CBLB: variants seen among roughly 807,000 people sequenced by gnomAD.
The protein encoded by CBLB is E3 ubiquitin-protein ligase CBL-B.
Under a neutral mutation model 104.9 loss-of-function variants are expected in CBLB, and 31 were observed. The ratio of observed to expected loss-of-function variants is 0.30; its 90% confidence interval spans 0.22 to 0.40. The LOEUF (loss-of-function observed/expected upper bound fraction) is 0.40. Ranked by LOEUF, CBLB falls within the 10% of genes least tolerant of loss-of-function variation. The probability of loss-of-function intolerance (pLI) is 1.00; values close to 1 mark genes in which losing one functional copy is unlikely to be tolerated. For missense variants in CBLB, 1,062 were observed against 1,214.6 expected, an observed-to-expected ratio of 0.87 and a Z score of 1.87; for synonymous variants, 440 against 422.6, an observed-to-expected ratio of 1.04 and a Z score of -0.51.
At chr3:105,769,410 T>G (rs4613490) in intron 4 of CBLB, among the ~76,000 whole-genome samples, 150,165 of 152,252 alleles carry the variant, frequency 0.99, 74,091 homozygotes, top group East Asian at 1. Context: ...TGCTTCCAAA[T>G]AAACTTTCCA....
chr3:105,747,173 G>A (rs2076181542), intron 5 of CBLB, among the ~76,000 whole-genome samples: 1 of 152,116 alleles, frequency 6.6e-6, no homozygotes, highest in South Asian at 2.1e-4. Flanking sequence ...TCATCTCTGC[G>A]ATTTTTTTAA....
intron 12 of CBLB, 150 bp from the exon 13 acceptor site, chr3:105,693,738 C>A (rs2068006229): frequency 1.5e-6 from 1 of 662,864 alleles, no homozygotes; most frequent in South Asian, 1.7e-5. Flanking sequence ...GTCAGTAGCA[C>A]CACACTGATG....
chr3:105,681,403 G>T, intron 16 of CBLB, 76 bp downstream of exon 16: 2 of 1,492,566 alleles, frequency 1.3e-6, no homozygotes, highest in Non-Finnish European at 1.9e-6. Context: ...GTGTTATACT[G>T]AACTCTGAAT....
intron 5 of CBLB, among the ~76,000 whole-genome samples, chr3:105,747,431 T>G (rs1318808732): frequency 1.3e-5 from 2 of 152,192 alleles, no homozygotes; most frequent in Non-Finnish European, 2.9e-5. Flanking sequence ...TTATATCCCT[T>G]GAGATGAGGA....
intron 3 of CBLB, among the ~76,000 whole-genome samples, chr3:105,841,251 G>A (rs1276017850): frequency 5.4e-5 from 8 of 147,056 alleles, no homozygotes; most frequent in South Asian, 2.2e-4. Context: ...AGCCGAGATC[G>A]TGCCACTGCA....
intron 3 of CBLB, among the ~76,000 whole-genome samples, chr3:105,837,935 T>C (rs2088820263): frequency 6.6e-6 from 1 of 152,096 alleles, no homozygotes; most frequent in Admixed American, 6.5e-5. Flanking sequence ...AATCTAGGAA[T>C]ACATCAGGAT....
At chr3:105,760,573 G>C (rs1054105228) in intron 4 of CBLB, among the ~76,000 whole-genome samples, 6 of 151,844 alleles carry the variant, frequency 4.0e-5, no homozygotes, top group Non-Finnish European at 7.4e-5. Flanking sequence ...TTTAAGTAAG[G>C]CTTTAAAATG....
At chr3:105,807,131 T>C (rs530919709) in intron 3 of CBLB, among the ~76,000 whole-genome samples, 8 of 152,346 alleles carry the variant, frequency 5.3e-5, no homozygotes, top group African/African-American at 9.6e-5. Context: ...TACCATTATA[T>C]GAAAGGAAAC....
intron 3 of CBLB, among the ~76,000 whole-genome samples, chr3:105,818,726 A>G (rs554329906): frequency 3.3e-5 from 5 of 152,192 alleles, no homozygotes; most frequent in African/African-American, 4.8e-5. Context: ...AATAAATTAA[A>G]TACGAAAAGC....
intron 9 of CBLB, among the ~76,000 whole-genome samples, chr3:105,733,383 T>C (rs1009213896): frequency 1.3e-5 from 2 of 151,598 alleles, no homozygotes; most frequent in African/African-American, 4.8e-5. Flanking sequence ...GGAAAGTCCT[T>C]GGGAAAACCA....
At chr3:105,829,662 G>A (rs1303368103) in intron 3 of CBLB, among the ~76,000 whole-genome samples, 10 of 73,044 alleles carry the variant, frequency 1.4e-4, no homozygotes, top group East Asian at 4.8e-4. Flanking sequence ...CAGCAAGACC[G>A]TCCCAAAAAA....
chr3:105,746,437 G>T (rs1481489152), intron 5 of CBLB, among the ~76,000 whole-genome samples: 1 of 152,152 alleles, frequency 6.6e-6, no homozygotes, highest in East Asian at 1.9e-4. Flanking sequence ...TACAAGGTTT[G>T]ATCCCCAGCA....
intron 3 of CBLB, among the ~76,000 whole-genome samples, chr3:105,840,843 A>G (rs1054583692): frequency 6.6e-6 from 1 of 150,648 alleles, no homozygotes; most frequent in African/African-American, 2.5e-5. Context: ...CAGTAGTCAA[A>G]GTTGAAAAGT....
intron 16 of CBLB, among the ~76,000 whole-genome samples, chr3:105,679,726 C>T (rs539110870): frequency 2.0e-5 from 3 of 151,036 alleles, no homozygotes; most frequent in South Asian, 2.1e-4. Flanking sequence ...CAGTGAGCCA[C>T]GATCGTGCCA....
chr3:105,780,664 T>TTG (rs1385390448), intron 3 of CBLB, among the ~76,000 whole-genome samples: 37 of 120,812 alleles, frequency 3.1e-4, no homozygotes, highest in Non-Finnish European at 5.6e-4. Flanking sequence ...TTTTTTGTTT[T>TTG]TTTTTTTTTT....
rs745426173 is a variant in CBLB at position 105,751,580 on chromosome 3, T to C, written c.605A>G (p.His202Arg). Residue 202 changes from histidine to arginine, a missense_variant, in exon 5 of 19, where the codon CAT (histidine) becomes CGT (arginine). Physicochemically the swap from His to Arg is conservative, Grantham distance 29. Around this residue, in one of 2 missense-constraint regions of CBLB, gnomAD observed 457 missense variants for 632.0 expected, o/e 0.72. Transcript: ENST00000394030. ...VPWKVFRQCL[H>R]EVHQISSGLE... ...GCCAGAGCTAATCTGGTGGACCTCA[T>C]GAAGGCACTGTCTGAATACTTTCCA... 2.5e-6 allele frequency: 4 copies of C among 1,613,276 alleles called. No homozygotes were observed. The highest frequency in any genetic ancestry group is 1.7e-5 in the Admixed American group (1 of 59,952).
At chr3:105,747,316 T>C (rs1303827571) in intron 5 of CBLB, among the ~76,000 whole-genome samples, 1 of 152,214 alleles carries the variant, frequency 6.6e-6, no homozygotes, top group African/African-American at 2.4e-5. Context: ...GCAGTCATCC[T>C]AGACATGATT....
At chr3:105,702,482 A>C in intron 11 of CBLB, 23 bp from the exon 12 acceptor site, 2 of 1,459,498 alleles carry the variant, frequency 1.4e-6, no homozygotes, top group East Asian at 5.2e-5. Context: ...AAGAGAAAAA[A>C]AAAAAAAAAA....
At chr3:105,750,338 C>T (rs929105405) in intron 5 of CBLB, among the ~76,000 whole-genome samples, 1 of 152,056 alleles carries the variant, frequency 6.6e-6, no homozygotes, top group African/African-American at 2.4e-5. Context: ...CCAATCCTTG[C>T]TAGCTAGTGC....
Sources: allele counts gnomAD v4.1 joint callset (sites outside exome capture counted in the v4.1 genomes callset), GRCh38; gene constraint gnomAD v4.1.1; regional missense constraint gnomAD v4.1.1; transcripts MANE v1.5; gene names NCBI Gene and HGNC (gene_info 2026-07-23, HGNC 2026-07-21).